The following SLC19A3 variants were observed in gnomAD, a reference collection of about 807,000 sequenced individuals.
SLC19A3 encodes solute carrier family 19 member 3, also known as thiamine transporter 2.
A neutral mutation model predicts 40.2 loss-of-function variants in SLC19A3; 31 were observed. The observed-to-expected ratio is 0.77, with a 90% confidence interval of 0.58 to 1.04. The LOEUF (loss-of-function observed/expected upper bound fraction) is 1.04. SLC19A3 is among the 50% of genes least tolerant of loss of function. The pLI is 0.00. For synonymous variants in SLC19A3, 212 were observed against 227.5 expected (o/e 0.93, Z 0.61); for missense variants, 592 against 596.7 (o/e 0.99, Z 0.08).
chr2:227,709,421 G>T (rs1229517220), intron 1 of SLC19A3, among the ~76,000 whole-genome samples: 1 of 152,166 alleles, frequency 6.6e-6, no homozygotes, highest in Non-Finnish European at 1.5e-5. Context: ...GGAAGTGGAG[G>T]TTGCAAATGC....
intron 1 of SLC19A3, among the ~76,000 whole-genome samples, chr2:227,713,401 TAAAAAA>T (rs56014411): frequency 6.3e-5 from 7 of 110,582 alleles, no homozygotes; most frequent in Admixed American, 1.0e-4. Flanking sequence ...GACCCTGTTG[TAAAAAA>T]AAAAAAAAAA....
intron 1 of SLC19A3, among the ~76,000 whole-genome samples, chr2:227,708,707 A>G (rs935978094): frequency 1.3e-5 from 2 of 152,234 alleles, no homozygotes; most frequent in African/African-American, 4.8e-5. Flanking sequence ...TATCTCTGAA[A>G]CTGTCAGTGT....
In SLC19A3 at chr2:227,699,547, G is replaced by T. The variant is rs769102876; in HGVS notation, c.168C>A (p.Phe56Leu). 1.3e-5 allele frequency: 21 copies of T among 1,614,028 alleles called. No homozygotes were observed. Among genetic ancestry groups the T allele is most frequent in the Non-Finnish European group, 1.8e-5 (21 of 1,180,042 alleles). Reference protein sequence around the residue: ...LTSAEITNEIFPVWTYSYLVL... With the variant: ...LTSAEITNEILPVWTYSYLVL... ...CCAGGTAGGAGTATGTCCAAACGGG[G>T]AAGATCTCATTTGTTATCTGCAAAG... The change falls in exon 3 of 6, where the codon TTC (phenylalanine) becomes TTA (leucine). Residue 56 changes from phenylalanine to leucine, a missense_variant. Transcript: ENST00000644224.
rs749088473 is a variant in SLC19A3, at chr2:227,699,407, A to T, written c.308T>A (p.Val103Glu). ...TWLLLLFGQG[V>E]KTMQVVEFFY... The stretch of plus-strand genomic sequence containing the variant: ...GAACTCTACAACCTGCATGGTCTTC[A>T]CTCCTTGGCCAAACAACAGCAGCAG... The change falls in exon 3 of 6, where the codon GTG becomes GAG. Residue 103 changes from valine to glutamate, a missense_variant. Physicochemically the swap from Val to Glu is moderately radical, Grantham distance 121. Coordinates refer to ENST00000644224, the MANE Select transcript of SLC19A3 (RefSeq NM_025243.4). 2 of 1,613,892 alleles carry T rather than the reference A, an allele frequency of 1.2e-6. No individual in the cohort carries two copies. The highest frequency in any genetic ancestry group is 2.7e-5 in the African/African-American group (2 of 74,862).
intron 1 of SLC19A3, chr2:227,706,329 T>C: frequency 8.1e-7 from 1 of 1,231,714 alleles, no homozygotes; most frequent in East Asian, 3.2e-5. Context: ...GAAAGCCAGA[T>C]GTTTACCTTT....
chr2:227,709,984 A>T (rs1696083691), intron 1 of SLC19A3, among the ~76,000 whole-genome samples: 1 of 152,168 alleles, frequency 6.6e-6, no homozygotes, highest in Non-Finnish European at 1.5e-5. Flanking sequence ...GTTCCATCTC[A>T]GATCATCAGG....
At chr2:227,717,055 T>G (rs953272756) in intron 1 of SLC19A3, among the ~76,000 whole-genome samples, 3 of 134,472 alleles carry the variant, frequency 2.2e-5, no homozygotes, top group Non-Finnish European at 4.6e-5. Context: ...CAGGCTGGAG[T>G]GCAGTGGTGC....
chr2:227,708,295 A>G (rs145895886), intron 1 of SLC19A3, among the ~76,000 whole-genome samples: 4 of 152,154 alleles, frequency 2.6e-5, no homozygotes, highest in African/African-American at 9.6e-5. Context: ...GCAACCTATT[A>G]CATGTTTGCA....
intron 4 of SLC19A3, among the ~76,000 whole-genome samples, chr2:227,692,237 C>T (rs144881041): frequency 6.6e-6 from 1 of 152,218 alleles, no homozygotes; most frequent in African/African-American, 2.4e-5. Context: ...AACACCAAAC[C>T]AGACACATTA....
At chr2:227,702,098 G>T in intron 2 of SLC19A3, 71 bp downstream of exon 2, 1 of 1,220,172 alleles carries the variant, frequency 8.2e-7, no homozygotes, top group Non-Finnish European at 1.2e-6. Flanking sequence ...GTTGAGGGAA[G>T]CCCTGTATCC....
intron 4 of SLC19A3, among the ~76,000 whole-genome samples, chr2:227,691,097 C>T (rs1434720263): frequency 6.6e-6 from 1 of 151,930 alleles, no homozygotes; most frequent in Non-Finnish European, 1.5e-5. Context: ...TAGAATAAAA[C>T]TAGAAATCAA....
In SLC19A3 at chr2:227,698,794, C is replaced by G; in HGVS notation, c.921G>C (p.Ala307=). 1.9e-6 allele frequency: 3 copies of G among 1,614,116 alleles called. No individual in the cohort carries two copies. The highest frequency in any genetic ancestry group is 1.3e-5 in the African/African-American group (1 of 75,040). Residue 307 remains alanine (A), a synonymous_variant, in exon 3 of 6, where the codon GCG becomes GCC. Coordinates refer to ENST00000644224, the MANE Select transcript of SLC19A3 (RefSeq NM_025243.4). ...NYVQILWDYK[A]PSQDSSIYNG... is the part of the protein sequence containing the mutation. ...TATAGATGGAAGAATCTTGGGATGGCGCCTTGTAATCCCACAGGATTTGAA... is the reference window on the plus strand; with the variant it reads ...TATAGATGGAAGAATCTTGGGATGGGGCCTTGTAATCCCACAGGATTTGAA...
chr2:227,702,552 A>T, intron 1 of SLC19A3: 1 of 493,834 alleles, frequency 2.0e-6, no homozygotes, highest in Non-Finnish European at 3.7e-6. Context: ...TGCCACCATG[A>T]CTGGATAATT....
At chr2:227,696,854 T>A (rs913548860) in intron 3 of SLC19A3, among the ~76,000 whole-genome samples, 1 of 152,034 alleles carries the variant, frequency 6.6e-6, no homozygotes, top group Non-Finnish European at 1.5e-5. Flanking sequence ...TCACTTGAGG[T>A]CAGGAGTTAG....
intron 4 of SLC19A3, among the ~76,000 whole-genome samples, chr2:227,693,118 C>T (rs1695294469): frequency 6.6e-6 from 1 of 152,128 alleles, no homozygotes; most frequent in South Asian, 2.1e-4. Context: ...AATGCCCATA[C>T]TATCCAAAGC....
At chr2:227,702,566 T>A in intron 1 of SLC19A3, 2 of 459,986 alleles carry the variant, frequency 4.3e-6, no homozygotes, top group Non-Finnish European at 8.0e-6. Flanking sequence ...GATAATTTTG[T>A]ATTTTTAGTA....
intron 1 of SLC19A3, 83 bp from the exon 2 acceptor site, chr2:227,702,403 T>C: frequency 6.8e-7 from 1 of 1,474,494 alleles, no homozygotes; most frequent in Non-Finnish European, 9.3e-7. Flanking sequence ...TGATTTTTTT[T>C]TTTTTTTTGA....
intron 1 of SLC19A3, among the ~76,000 whole-genome samples, chr2:227,707,927 C>A (rs1349728276): frequency 6.6e-6 from 1 of 152,212 alleles, no homozygotes; most frequent in Non-Finnish European, 1.5e-5. Flanking sequence ...CGGGATTTCA[C>A]CATGTTGGCC....
chr2:227,699,072 G>C lies in SLC19A3; in HGVS notation c.643C>G (p.Pro215Ala). Residue 215 changes from proline (P) to alanine (A), a missense_variant, in exon 3 of 6, where the codon CCA becomes GCA. Physicochemically the swap from Pro to Ala is conservative, Grantham distance 27. Transcript: ENST00000644224. ...CCTTCGTGAGTTTCCTCTAATACTG[G>C]ATTCACGCTTGATGACTTCTTTATT... is the stretch of plus-strand genomic sequence containing the variant. ...REIKKSSSVN[P>A]VLEETHEGEA... 6.2e-7 allele frequency: 1 copy of C among 1,614,176 alleles called. No homozygotes were observed. Among genetic ancestry groups the C allele is most frequent in the East Asian group, 2.2e-5 (1 of 44,886 alleles).
Sources: gnomAD v4.1 joint callset for allele counts (sites outside exome capture counted in the v4.1 genomes callset) on GRCh38, gnomAD v4.1.1 for gene constraint, MANE v1.5 for transcripts, NCBI Gene and HGNC (gene_info 2026-07-23, HGNC 2026-07-21) for gene names.